Variants in TRERF1 observed in about 807,000 individuals in gnomAD.
The protein encoded by TRERF1 is transcriptional regulating factor 1, also known as transcriptional-regulating factor 1.
TRERF1 carries 27 observed loss-of-function variants against 122.9 expected under a neutral mutation model. That is an observed-to-expected ratio of 0.22 (90% confidence interval 0.16 to 0.30). The LOEUF is 0.30. TRERF1 is among the 10% of genes least tolerant of loss of function. The pLI, the probability that TRERF1 is intolerant of heterozygous loss-of-function variation, is 1.00. For missense variants in TRERF1, 1,248 were observed against 1,560.3 expected (o/e 0.80, Z 3.37); for synonymous variants, 636 against 641.7 (o/e 0.99, Z 0.13).
At chr6:42,420,273 G>A (rs1782569232) in intron 2 of TRERF1, among the ~76,000 whole-genome samples, 1 of 152,162 alleles carries the variant, frequency 6.6e-6, no homozygotes, top group African/African-American at 2.4e-5. Flanking sequence ...TCACTTTGTA[G>A]CTAAAACAGA....
intron 4 of TRERF1, among the ~76,000 whole-genome samples, chr6:42,290,741 CTTTTTTTT>C (rs144168592): frequency 4.1e-4 from 38 of 92,406 alleles, no homozygotes; most frequent in African/African-American, 1.7e-3. Flanking sequence ...CATTTCTTTC[CTTTTTTTT>C]TTTTTTTTTT....
At chr6:42,355,572 C>A (rs1268561021) in intron 3 of TRERF1, among the ~76,000 whole-genome samples, 2 of 152,192 alleles carry the variant, frequency 1.3e-5, no homozygotes, top group Non-Finnish European at 2.9e-5. Flanking sequence ...AGTTTTCCAT[C>A]TTTTTTCTCA....
chr6:42,265,728 C>T (rs1258180720), intron 6 of TRERF1, 23 bp downstream of exon 6: 1 of 1,611,116 alleles, frequency 6.2e-7, no homozygotes, highest in East Asian at 2.2e-5. Flanking sequence ...CCCAAAATAC[C>T]AACAAGGTTC....
intron 17 of TRERF1, among the ~76,000 whole-genome samples, chr6:42,230,570 G>A (rs1770342199): frequency 6.6e-6 from 1 of 152,210 alleles, no homozygotes; most frequent in East Asian, 1.9e-4. Flanking sequence ...ACAAATAAGC[G>A]GGAGATCACT....
intron 2 of TRERF1, among the ~76,000 whole-genome samples, chr6:42,374,180 G>GAA (rs1774384889): frequency 1.3e-5 from 2 of 151,662 alleles, no homozygotes; most frequent in Non-Finnish European, 2.9e-5. Context: ...AGAAGAAGAA[G>GAA]GGGAAGAGCC....
intron 13 of TRERF1, among the ~76,000 whole-genome samples, chr6:42,251,000 T>TC (rs1212279862): frequency 7.0e-6 from 1 of 142,114 alleles, no homozygotes; most frequent in African/African-American, 2.6e-5. Context: ...TTCTTTTTTT[T>TC]TTTTTTTTTT....
chr6:42,386,008 C>T (rs1030276265), intron 2 of TRERF1, among the ~76,000 whole-genome samples: 17 of 152,062 alleles, frequency 1.1e-4, no homozygotes, highest in African/African-American at 4.1e-4. Flanking sequence ...CAGAACATAT[C>T]CTATGCAGAA....
At chr6:42,417,784 T>C (rs2151516823) in intron 2 of TRERF1, among the ~76,000 whole-genome samples, 1 of 152,242 alleles carries the variant, frequency 6.6e-6, no homozygotes, top group East Asian at 1.9e-4. Flanking sequence ...AGGAAGAAAG[T>C]GGTGTTTTGG....
intron 2 of TRERF1, among the ~76,000 whole-genome samples, chr6:42,381,937 C>T (rs1776006476): frequency 6.6e-6 from 1 of 150,496 alleles, no homozygotes; most frequent in Non-Finnish European, 1.5e-5. Context: ...ATGGCTGAAA[C>T]CAATAATAAT....
intron 2 of TRERF1, among the ~76,000 whole-genome samples, chr6:42,380,747 C>T (rs1243318934): frequency 6.6e-6 from 1 of 152,166 alleles, no homozygotes; most frequent in African/African-American, 2.4e-5. Context: ...GCCACGTCAG[C>T]AATGTCCTCT....
At chr6:42,327,286 A>T (rs1281565702) in intron 3 of TRERF1, among the ~76,000 whole-genome samples, 1 of 152,120 alleles carries the variant, frequency 6.6e-6, no homozygotes, top group Non-Finnish European at 1.5e-5. Flanking sequence ...CATATATCTC[A>T]CAAGAACCAA....
intron 4 of TRERF1, among the ~76,000 whole-genome samples, chr6:42,277,824 A>AAAAT (rs200299536): frequency 0.017 from 2,250 of 132,936 alleles, 95 homozygotes; most frequent in Middle Eastern, 0.024. Flanking sequence ...GCCCTATCTC[A>AAAAT]AAATAAATAA....
At position 42,228,691 on chromosome 6, in the gene TRERF1, T is replaced by C. The variant is rs750409370; in HGVS notation, c.3279-22A>G. On this transcript the variant is annotated intron_variant, in intron 17 of 17. Coordinates refer to ENST00000372922, the Ensembl canonical transcript of TRERF1. This position sits in a 1 kb window ranked among gnomAD's most constrained non-coding sequence, Gnocchi z 4.2. ...GACTCTAAAAATAAAGAAAGAGAGG[T>C]GTGTAGAATTTAGAAGGAGATCTGA... 6.4e-7 allele frequency: 1 copy of C among 1,563,372 alleles called. No individual in the cohort carries two copies. The highest frequency in any genetic ancestry group is 8.6e-7 in the Non-Finnish European group (1 of 1,157,496).
At chr6:42,381,712 G>T (rs2151149908) in intron 2 of TRERF1, among the ~76,000 whole-genome samples, 1 of 151,814 alleles carries the variant, frequency 6.6e-6, no homozygotes. Flanking sequence ...ACGGAGGAGG[G>T]AAGGGTGGAT....
At chr6:42,292,736 A>G (rs1393461116) in intron 4 of TRERF1, among the ~76,000 whole-genome samples, 3 of 152,304 alleles carry the variant, frequency 2.0e-5, no homozygotes, top group East Asian at 1.9e-4. Context: ...CGAAGAGGAA[A>G]TGAGACGCAA....
At chr6:42,323,578 C>A (rs1004930841) in intron 3 of TRERF1, among the ~76,000 whole-genome samples, 1 of 152,064 alleles carries the variant, frequency 6.6e-6, no homozygotes, top group Non-Finnish European at 1.5e-5. Flanking sequence ...AGGAAAGATA[C>A]CTATGAAGCA....
chr6:42,374,281 C>T (rs951800401), intron 2 of TRERF1, among the ~76,000 whole-genome samples: 7 of 152,210 alleles, frequency 4.6e-5, no homozygotes, highest in African/African-American at 1.4e-4. Flanking sequence ...GGACCACTGG[C>T]TATATCAGCT....
At chr6:42,390,205 C>CA (rs1041782831) in intron 2 of TRERF1, among the ~76,000 whole-genome samples, 1 of 152,168 alleles carries the variant, frequency 6.6e-6, no homozygotes, top group Non-Finnish European at 1.5e-5. Flanking sequence ...ACAAGAGGCA[C>CA]AATTTAAATA....
Position 42,369,833 on chromosome 6 carries a change from C to T in TRERF1, c.-453-6754G>A, listed in dbSNP as rs570128371. On this transcript the variant is annotated intron_variant, in intron 2 of 17. Transcript: ENST00000372922. ...TGCATTCACCTTCACTCACCCTGCT[C>T]CTTATGACAAATCCAATCAAAACCC... Among the ~76,000 whole-genome samples, 8 of 152,268 alleles carry T rather than the reference C, an allele frequency of 5.3e-5. No individual in the cohort carries two copies. In the South Asian group the frequency reaches 1.7e-3, roughly 32 times the overall value.
Sources: allele counts gnomAD v4.1 joint callset (sites outside exome capture counted in the v4.1 genomes callset), GRCh38; gene constraint gnomAD v4.1.1; non-coding constraint Gnocchi (gnomAD v3.1); transcripts MANE v1.5; gene names NCBI Gene and HGNC (gene_info 2026-07-23, HGNC 2026-07-21).